The following TBC1D15 variants were observed in gnomAD, a reference collection of about 807,000 sequenced individuals.
TBC1D15 encodes GAP for RAB7.
In TBC1D15, 39 loss-of-function variants were observed where a neutral mutation model predicts 95.4. The ratio of observed to expected loss-of-function variants is 0.41; its 90% CI spans 0.32 to 0.53. The LOEUF (loss-of-function observed/expected upper bound fraction) is 0.53. Ranked by LOEUF, TBC1D15 falls within the 20% of genes least tolerant of loss-of-function variation. The pLI is 0.29. For synonymous variants in TBC1D15, 258 were observed against 261.3 expected, an observed-to-expected ratio of 0.99 and a Z score of 0.12; for missense variants, 733 against 794.3, an observed-to-expected ratio of 0.92 and a Z score of 0.93.
rs759271575 is a variant in TBC1D15, at chr12:71,920,751, A to G, written c.1620A>G (p.Pro540=). ...TATAGGTAATGTGGACCGAACTACC[A>G]TGTACAAATTTCCATCTTCTTCTCT... ...RLWEVMWTEL[P]CTNFHLLLCC... The change falls in exon 15 of 17, where the codon CCA becomes CCG. Residue 540 remains proline (P), a synonymous_variant. Coordinates refer to ENST00000485960, the MANE Select transcript of TBC1D15 (RefSeq NM_001146213.3). The G allele has an allele frequency of 1.1e-5, 17 of 1,612,710 alleles. No homozygotes were observed. In the East Asian group the frequency reaches 2.5e-4, roughly 23 times the overall value.
intron 10 of TBC1D15, among the ~76,000 whole-genome samples, chr12:71,899,050 CTGGTGTTTTACTCCTGCTTGA>C (rs1898784521): frequency 6.6e-6 from 1 of 152,098 alleles, no homozygotes; most frequent in Non-Finnish European, 1.5e-5. Context: ...ATAAGGGATT[CTGGTGTTTTACTCCTGCTTGA>C]GCATAAAATA....
chr12:71,909,615 T>A (rs1391246290), intron 11 of TBC1D15, among the ~76,000 whole-genome samples: 1 of 152,174 alleles, frequency 6.6e-6, no homozygotes, highest in Non-Finnish European at 1.5e-5. Context: ...GTTTTTTAAT[T>A]TGATACTCTA....
intron 4 of TBC1D15, among the ~76,000 whole-genome samples, chr12:71,883,785 G>A (rs866419421): frequency 6.6e-6 from 1 of 152,088 alleles, no homozygotes; most frequent in Non-Finnish European, 1.5e-5. Context: ...TCAGAGACAC[G>A]ACTTGCTTAT....
chr12:71,849,402 A>G (rs925410684), intron 1 of TBC1D15: 4 of 1,377,564 alleles, frequency 2.9e-6, no homozygotes, highest in Admixed American at 1.7e-5. Flanking sequence ...GCCACTTCCC[A>G]TGAACATAAT....
intron 3 of TBC1D15, among the ~76,000 whole-genome samples, chr12:71,875,822 G>C (rs970562925): frequency 3.3e-5 from 5 of 151,974 alleles, no homozygotes; most frequent in African/African-American, 1.2e-4. Context: ...TTTTGAAGCA[G>C]AGTCTCACTC....
intron 1 of TBC1D15, among the ~76,000 whole-genome samples, chr12:71,858,557 C>CT (rs1320497569): frequency 0.069 from 6,427 of 93,268 alleles, 612 homozygotes; most frequent in African/African-American, 0.22. Flanking sequence ...TTTTCTTTTT[C>CT]TTTTTTTTTT....
At chr12:71,846,557 A>G (rs1188707822) in intron 1 of TBC1D15, among the ~76,000 whole-genome samples, 1 of 152,132 alleles carries the variant, frequency 6.6e-6, no homozygotes, top group Non-Finnish European at 1.5e-5. Context: ...CAAGTCTTTG[A>G]ATGCTCTTGA....
chr12:71,858,203 G>A (rs1021093857), intron 1 of TBC1D15, among the ~76,000 whole-genome samples: 2 of 152,002 alleles, frequency 1.3e-5, no homozygotes, highest in Admixed American at 1.3e-4. Context: ...CTCCTGAGTA[G>A]CTGGAATTAC....
chr12:71,892,090 G>T (rs1328453853), intron 5 of TBC1D15, among the ~76,000 whole-genome samples: 2 of 152,180 alleles, frequency 1.3e-5, no homozygotes, highest in East Asian at 3.9e-4. Flanking sequence ...GAATCTGTAA[G>T]TCTGCCTATT....
intron 4 of TBC1D15, among the ~76,000 whole-genome samples, chr12:71,882,000 C>A (rs951474005): frequency 2.0e-5 from 3 of 149,050 alleles, no homozygotes; most frequent in Non-Finnish European, 4.4e-5. Flanking sequence ...TTATTTTGAA[C>A]CCTCAAGCTT....
Position 71,884,893 on chromosome 12 carries a change from A to G in TBC1D15, c.426A>G (p.Lys142=). The G allele has an allele frequency of 1.9e-6, 3 of 1,614,092 alleles. No homozygotes were observed. The highest frequency in any genetic ancestry group is 2.2e-5 in the South Asian group (2 of 91,084). Residue 142 remains lysine (K), a synonymous_variant, in exon 5 of 17, where the codon AAA becomes AAG. Transcript: ENST00000485960. ...ACCTGAAATCAATCAAGCAAAACAAAGAGGGTATGGGCTGGTCCTATTTGG... is the reference window on the plus strand; with the variant it reads ...ACCTGAAATCAATCAAGCAAAACAAGGAGGGTATGGGCTGGTCCTATTTGG... ...LTDLKSIKQN[K]EGMGWSYLVF...
chr12:71,844,213 C>T (rs1043725907), intron 1 of TBC1D15, among the ~76,000 whole-genome samples: 1 of 152,218 alleles, frequency 6.6e-6, no homozygotes, highest in Non-Finnish European at 1.5e-5. Flanking sequence ...TCGTTCTTGG[C>T]CCTGCAGCCA....
At chr12:71,842,157 T>A (rs1322188127) in intron 1 of TBC1D15, among the ~76,000 whole-genome samples, 1 of 152,198 alleles carries the variant, frequency 6.6e-6, no homozygotes, top group African/African-American at 2.4e-5. Flanking sequence ...GGATGTAACT[T>A]TTCTTAAAAC....
At chr12:71,857,025 G>A (rs1275703841) in intron 1 of TBC1D15, among the ~76,000 whole-genome samples, 1 of 151,944 alleles carries the variant, frequency 6.6e-6, no homozygotes, top group Non-Finnish European at 1.5e-5. Flanking sequence ...GTAAAGTAAT[G>A]CGTAATAAAA....
At chr12:71,878,484 G>A (rs1027738986) in intron 3 of TBC1D15, among the ~76,000 whole-genome samples, 15 of 151,524 alleles carry the variant, frequency 9.9e-5, no homozygotes, top group Non-Finnish European at 1.6e-4. Context: ...CACTACTGAC[G>A]ATAGGGTTAG....
At chr12:71,914,057 ACTTTTT>A (rs1903093671) in intron 12 of TBC1D15, 131 bp downstream of exon 12, 5 of 611,172 alleles carry the variant, frequency 8.2e-6, no homozygotes, top group African/African-American at 4.0e-5. Flanking sequence ...GCCTTTTGTT[ACTTTTT>A]CTTTTTAGTA....
chr12:71,839,956 C>A, intron 1 of TBC1D15, 145 bp downstream of exon 1: 1 of 1,041,474 alleles, frequency 9.6e-7, no homozygotes, highest in Non-Finnish European at 1.4e-6. Flanking sequence ...TGGGTGGTAC[C>A]AGCTGGTTTC....
At chr12:71,917,505 A>G (rs920473135) in intron 12 of TBC1D15, among the ~76,000 whole-genome samples, 193 bp from the exon 13 acceptor site, 6 of 152,176 alleles carry the variant, frequency 3.9e-5, no homozygotes, top group South Asian at 2.1e-4. Flanking sequence ...CTTAGTTTTG[A>G]GAGCAAGGAT....
At chr12:71,844,797 C>T (rs556671294) in intron 1 of TBC1D15, among the ~76,000 whole-genome samples, 2 of 152,270 alleles carry the variant, frequency 1.3e-5, no homozygotes, top group South Asian at 4.1e-4. Flanking sequence ...CTCTGCATTC[C>T]TCTATTACAC....
Sources: gnomAD v4.1 joint callset for allele counts (sites outside exome capture counted in the v4.1 genomes callset) on GRCh38, gnomAD v4.1.1 for gene constraint, MANE v1.5 for transcripts, NCBI Gene and HGNC (gene_info 2026-07-23, HGNC 2026-07-21) for gene names.